NPHP4: variants seen among roughly 807,000 people sequenced by gnomAD.
NPHP4 encodes nephrocystin-4.
In NPHP4, 151 loss-of-function variants were observed where a neutral mutation model predicts 155.8. The observed-to-expected ratio is 0.97, with a 90% CI of 0.85 to 1.11. The LOEUF is 1.11. Ranked by LOEUF, NPHP4 falls within the 50% of genes least tolerant of loss-of-function variation. The pLI, the probability that NPHP4 is intolerant of heterozygous loss-of-function variation, is 0.00. For missense variants in NPHP4, 1,956 were observed against 1,925.7 expected (o/e 1.02, Z -0.29); for synonymous variants, 845 against 816.8 (o/e 1.03, Z -0.59).
intron 11 of NPHP4, among the ~76,000 whole-genome samples, chr1:5,926,500 A>T (rs1392560300): frequency 6.6e-6 from 1 of 152,204 alleles, no homozygotes. Context: ...GAACACGTAC[A>T]GACTCTTTTT....
At chr1:5,928,234 A>G (rs1646111105) in intron 10 of NPHP4, among the ~76,000 whole-genome samples, 1 of 152,182 alleles carries the variant, frequency 6.6e-6, no homozygotes, top group African/African-American at 2.4e-5. Flanking sequence ...AACCCGGGCA[A>G]TCTATGACTG....
chr1:5,941,661 A>G (rs758809599), intron 9 of NPHP4, among the ~76,000 whole-genome samples: 43 of 152,266 alleles, frequency 2.8e-4, no homozygotes, highest in Non-Finnish European at 5.6e-4. Context: ...TGAAGCCAGA[A>G]AGTACTCAAA....
chr1:5,968,331 G>A (rs371701731), intron 4 of NPHP4, among the ~76,000 whole-genome samples: 25 of 152,258 alleles, frequency 1.6e-4, no homozygotes, highest in African/African-American at 5.8e-4. Flanking sequence ...GCCGGACACA[G>A]CGGCTCACGT....
intron 23 of NPHP4, among the ~76,000 whole-genome samples, chr1:5,870,842 G>A (rs377156513): frequency 1.2e-4 from 19 of 152,320 alleles, no homozygotes; most frequent in East Asian, 7.7e-4. Flanking sequence ...CAGGATAACC[G>A]CCTGTGCACT....
At chr1:5,928,036 C>A (rs1183039758) in intron 10 of NPHP4, among the ~76,000 whole-genome samples, 1 of 152,160 alleles carries the variant, frequency 6.6e-6, no homozygotes, top group Non-Finnish European at 1.5e-5. Flanking sequence ...CAATCTCTCT[C>A]GAGTTGTGAA....
In NPHP4 at chr1:5,863,441, C is replaced by G. The variant is rs144096137; in HGVS notation, c.4141-36G>C. On this transcript the variant is annotated intron_variant, in intron 29 of 29. Coordinates refer to ENST00000378156, the MANE Select transcript of NPHP4 (RefSeq NM_015102.5). ...GCATCCAAATCCCAGCATCCACCCC[C>G]GGGCTGTCCCACGCTCTCACCAGCA... 7,487 of 1,607,878 alleles carry G rather than the reference C, an allele frequency of 4.7e-3. 337 individuals carry two copies. Among genetic ancestry groups the G allele is most frequent in the East Asian group, 8.2e-3 (369 of 44,766 alleles).
intron 11 of NPHP4, among the ~76,000 whole-genome samples, chr1:5,911,872 G>A (rs769361944): frequency 1.3e-4 from 20 of 152,318 alleles, no homozygotes; most frequent in Middle Eastern, 3.4e-3. Context: ...AGGACAGCGC[G>A]GCCGCCAGGG....
intron 1 of NPHP4, among the ~76,000 whole-genome samples, chr1:5,990,456 AAAG>A (rs556591079): frequency 7.9e-4 from 121 of 152,242 alleles, no homozygotes; most frequent in African/African-American, 2.1e-3. Context: ...GGAAAAAAAA[AAAG>A]AAGAAGAAGA....
intron 16 of NPHP4, among the ~76,000 whole-genome samples, chr1:5,901,791 C>G (rs534435364): frequency 9.2e-5 from 14 of 152,114 alleles, no homozygotes; most frequent in African/African-American, 2.9e-4. Flanking sequence ...TACAGAGGAG[C>G]CTTGAGACAA....
intron 9 of NPHP4, among the ~76,000 whole-genome samples, chr1:5,937,731 G>A (rs991993691): frequency 2.6e-5 from 4 of 152,244 alleles, no homozygotes; most frequent in Admixed American, 6.5e-5. Context: ...GGTGACATGT[G>A]GCACTTGGCT....
intron 11 of NPHP4, 88 bp from the exon 12 acceptor site, chr1:5,909,301 T>G: frequency 9.9e-7 from 1 of 1,005,230 alleles, no homozygotes; most frequent in South Asian, 1.4e-5. Context: ...CAGTCAGGTC[T>G]CCACAGGCCT....
intron 9 of NPHP4, 83 bp from the exon 10 acceptor site, chr1:5,933,412 TA>T: frequency 8.6e-7 from 1 of 1,165,634 alleles, no homozygotes; most frequent in Non-Finnish European, 1.3e-6. Context: ...CTTTCATGTG[TA>T]AAATTCAACG....
At chr1:5,973,435 C>T (rs1377576261) in intron 3 of NPHP4, among the ~76,000 whole-genome samples, 1 of 152,200 alleles carries the variant, frequency 6.6e-6, no homozygotes, top group African/African-American at 2.4e-5. Context: ...AAAATAAAAA[C>T]ATTTAGCTGG....
At chr1:5,911,981 A>G (rs1037367159) in intron 11 of NPHP4, among the ~76,000 whole-genome samples, 1 of 152,198 alleles carries the variant, frequency 6.6e-6, no homozygotes, top group South Asian at 2.1e-4. Context: ...GCTGACAAGC[A>G]CCTGGGCCAG....
At chr1:5,901,346 T>A (rs1352631728) in intron 16 of NPHP4, among the ~76,000 whole-genome samples, 1 of 152,232 alleles carries the variant, frequency 6.6e-6, no homozygotes, top group Non-Finnish European at 1.5e-5. Flanking sequence ...TAGGGAACCA[T>A]GCCCGTCCAG....
chr1:5,959,281 C>T (rs547393223), intron 6 of NPHP4, among the ~76,000 whole-genome samples: 75 of 152,324 alleles, frequency 4.9e-4, no homozygotes, highest in African/African-American at 1.7e-3. Context: ...GGTGACGGGC[C>T]GGCTGCTCCA....
At chr1:5,875,721 C>T (rs1642525663) in intron 20 of NPHP4, among the ~76,000 whole-genome samples, 2 of 152,230 alleles carry the variant, frequency 1.3e-5, no homozygotes, top group South Asian at 4.1e-4. Flanking sequence ...GTAAGGCCCA[C>T]TAGAGGCTGC....
chr1:5,935,840 A>G (rs1646510386), intron 9 of NPHP4, among the ~76,000 whole-genome samples: 1 of 152,158 alleles, frequency 6.6e-6, no homozygotes, highest in South Asian at 2.1e-4. Context: ...ACACCACTGC[A>G]CTCCAGCCTG....
At chr1:5,971,778 C>T (rs1652618577) in intron 3 of NPHP4, among the ~76,000 whole-genome samples, 1 of 150,938 alleles carries the variant, frequency 6.6e-6, no homozygotes, top group South Asian at 2.1e-4. Context: ...TTCTCTACAT[C>T]AACTGAAACT....
Sources: gnomAD v4.1 joint callset for allele counts (sites outside exome capture counted in the v4.1 genomes callset) on GRCh38, gnomAD v4.1.1 for gene constraint, MANE v1.5 for transcripts, NCBI Gene and HGNC (gene_info 2026-07-23, HGNC 2026-07-21) for gene names.